DDAH2: variants seen among roughly 807,000 people sequenced by gnomAD.
DDAH2 encodes putative hydrolase DDAH2.
DDAH2 carries 8 observed loss-of-function variants against 24.8 expected under a neutral mutation model. The observed-to-expected ratio is 0.32, with a 90% CI of 0.19 to 0.58. The LOEUF (loss-of-function observed/expected upper bound fraction) is 0.58, where lower values mean the gene tolerates loss of function less well. Among genes scored for constraint, DDAH2 ranks in the 20% least tolerant of loss-of-function variants. DDAH2 has a pLI of 0.87. For synonymous variants in DDAH2, 151 were observed against 166.1 expected (o/e 0.91, Z 0.70); for missense variants, 281 against 379.0 (o/e 0.74, Z 2.15).
Position 31,729,248 on chromosome 6 carries a change from A to C in DDAH2, c.-87T>G. The C allele has an allele frequency of 8.4e-7, 1 of 1,184,104 alleles. No individual in the cohort carries two copies. Among genetic ancestry groups the C allele is most frequent in the East Asian group, 2.4e-5 (1 of 42,502 alleles). The allele number at this position is 1,184,104 out of a possible 1,614,324, so 73.3% of individuals were successfully genotyped here. ...TGTCTGGGAGAAGAAACAGAAAAGG[A>C]GGAGACAGAGAAAAAGACATGCAGA... On this transcript the variant is annotated 5_prime_UTR_variant, in exon 1 of 6. Transcript: ENST00000375789. The surrounding 1 kb of genome is among the most constrained non-coding windows in gnomAD (Gnocchi z 6.7).
Position 31,727,392 on chromosome 6 carries a change from G to A in DDAH2, c.742-39C>T. 1 of 1,597,194 alleles carries A rather than the reference G, an allele frequency of 6.3e-7. No individual in the cohort carries two copies. The highest frequency in any genetic ancestry group is 8.6e-7 in the Non-Finnish European group (1 of 1,167,326). The stretch of plus-strand genomic sequence containing the variant: ...ACATGGAGTGGGGAGAGGGGAGTGA[G>A]ACCTCAGGCTGAGCCAGGCCACTCT... On this transcript the variant is annotated intron_variant, in intron 5 of 5. Coordinates refer to ENST00000375789, the MANE Select transcript of DDAH2 (RefSeq NM_001303007.2). This position sits in a 1 kb window ranked among gnomAD's most constrained non-coding sequence, Gnocchi z 6.0.
chr6:31,727,936 C>T lies in DDAH2; in HGVS notation c.591+237G>A, dbSNP rs1471493082. Reference sequence around the variant, plus strand: ...AGCCCCTCCTATCTGTCCTACCCATCCTTAGAGTCACAGTTTAGGTGCCAC... The same window carrying T: ...AGCCCCTCCTATCTGTCCTACCCATTCTTAGAGTCACAGTTTAGGTGCCAC... On this transcript the variant is annotated intron_variant, in intron 4 of 5. Transcript: ENST00000375789. This position sits in a 1 kb window ranked among gnomAD's most constrained non-coding sequence, Gnocchi z 6.0. Among the ~76,000 whole-genome samples, 1 of 152,206 alleles carries T rather than the reference C, an allele frequency of 6.6e-6. No individual in the cohort carries two copies. Among genetic ancestry groups the T allele is most frequent in the East Asian group, 1.9e-4 (1 of 5,204 alleles).
At position 31,728,551 on chromosome 6, in the gene DDAH2, G is replaced by A; in HGVS notation, c.398-27C>T. The A allele has an allele frequency of 6.2e-7, 1 of 1,612,668 alleles. No homozygotes were observed. The highest frequency in any genetic ancestry group is 1.7e-5 in the Admixed American group (1 of 60,016). ...TGAGTCCGGGAGGCCGCGGAGGTTT[G>A]AGGGCGGGAGTGAGTTAGAAACAAG... On this transcript the variant is annotated intron_variant, in intron 2 of 5. Transcript: ENST00000375789. The surrounding 1 kb of genome is among the most constrained non-coding windows in gnomAD (Gnocchi z 9.8).
Position 31,729,125 on chromosome 6 carries a change from G to A in DDAH2, c.37C>T (p.His13Tyr). The A allele has an allele frequency of 1.2e-6, 2 of 1,612,272 alleles. No homozygotes were observed. The highest frequency in any genetic ancestry group is 1.7e-6 in the Non-Finnish European group (2 of 1,179,506). The change falls in exon 1 of 6, where the codon CAT (histidine) becomes TAT (tyrosine). Residue 13 changes from histidine (H) to tyrosine (Y), a missense_variant. Physicochemically the swap from His to Tyr is moderately conservative, Grantham distance 83. Transcript: ENST00000375789. This position sits in a 1 kb window ranked among gnomAD's most constrained non-coding sequence, Gnocchi z 6.7. ...TCTGGGACTCCCCGGATCAGGGCAT[G>A]GGAGCAGCGGCCCAGCCCCTCCCCC... Reference protein sequence around the residue: ...TPGEGLGRCSHALIRGVPESL... With the variant: ...TPGEGLGRCSYALIRGVPESL...
At position 31,728,292 on chromosome 6, in the gene DDAH2, C is replaced by T; in HGVS notation, c.472G>A (p.Asp158Asn). ...ACTGGCACAGTGGAGACGGCGAAGT[C>T]CTAGGGAGAGCGAAGGGAGGTATTC... ...GAEIVADTFRDFAVSTVPVSG... is the reference protein window; with the variant it reads ...GAEIVADTFRNFAVSTVPVSG... The change falls in exon 4 of 6, where the codon GAC (aspartate) becomes AAC (asparagine). Residue 158 changes from aspartate to asparagine, a missense_variant and splice_region_variant. Asp to Asn is a conservative substitution (Grantham distance 23, BLOSUM62 1). Transcript: ENST00000375789. This position sits in a 1 kb window ranked among gnomAD's most constrained non-coding sequence, Gnocchi z 9.8. 1 of 1,608,586 alleles carries T rather than the reference C, an allele frequency of 6.2e-7. No individual in the cohort carries two copies. The highest frequency in any genetic ancestry group is 8.5e-7 in the Non-Finnish European group (1 of 1,177,174).
Position 31,728,806 on chromosome 6 carries a change from G to A in DDAH2, c.297+59C>T. The A allele has an allele frequency of 6.2e-7, 1 of 1,611,030 alleles. No homozygotes were observed. ...CCCCCATCCTCAATTCTTCCCCAAA[G>A]CCCCGACATCCAGTTCCTTCTGCCT... On this transcript the variant is annotated intron_variant, in intron 1 of 5. Transcript: ENST00000375789. This position sits in a 1 kb window ranked among gnomAD's most constrained non-coding sequence, Gnocchi z 9.8.
At position 31,727,391 on chromosome 6, in the gene DDAH2, A is replaced by G; in HGVS notation, c.742-38T>C. On this transcript the variant is annotated intron_variant, in intron 5 of 5. Transcript: ENST00000375789. The surrounding 1 kb of genome is among the most constrained non-coding windows in gnomAD (Gnocchi z 6.0). ...GACATGGAGTGGGGAGAGGGGAGTG[A>G]GACCTCAGGCTGAGCCAGGCCACTC... 6.3e-7 allele frequency: 1 copy of G among 1,598,444 alleles called. No homozygotes were observed. The highest frequency in any genetic ancestry group is 8.6e-7 in the Non-Finnish European group (1 of 1,168,368).
At position 31,727,638 on chromosome 6, in the gene DDAH2, C is replaced by G; in HGVS notation, c.646G>C (p.Ala216Pro). 1 of 1,612,766 alleles carries G rather than the reference C, an allele frequency of 6.2e-7. No homozygotes were observed. The highest frequency in any genetic ancestry group is 8.5e-7 in the Non-Finnish European group (1 of 1,179,890). Residue 216 changes from alanine (A) to proline (P), a missense_variant, in exon 5 of 6, where the codon GCA becomes CCA. Coordinates refer to ENST00000375789, the MANE Select transcript of DDAH2 (RefSeq NM_001303007.2). This position sits in a 1 kb window ranked among gnomAD's most constrained non-coding sequence, Gnocchi z 6.0. ...CGAAGAAAGAGACAGTCAGCAGCTG[C>G]GTCATCTGGGAGGGTCAGGGAGGCA... ...PYASLTLPDD[A>P]AADCLFLRPG... is the part of the protein sequence containing the mutation.
upstream of DDAH2, chr6:31,729,376 G>C (rs548668512): frequency 1.7e-5 from 10 of 587,900 alleles, no homozygotes; most frequent in South Asian, 2.1e-4. This position sits in a 1 kb window ranked among gnomAD's most constrained non-coding sequence, Gnocchi z 6.7. Context: ...CGCTCCTGTC[G>C]ACCTCACTCT....
Position 31,727,392 on chromosome 6 carries a change from G to C in DDAH2, c.742-39C>G. Reference sequence around the variant, plus strand: ...ACATGGAGTGGGGAGAGGGGAGTGAGACCTCAGGCTGAGCCAGGCCACTCT... The same window carrying C: ...ACATGGAGTGGGGAGAGGGGAGTGACACCTCAGGCTGAGCCAGGCCACTCT... On this transcript the variant is annotated intron_variant, in intron 5 of 5. Coordinates refer to ENST00000375789, the MANE Select transcript of DDAH2 (RefSeq NM_001303007.2). This position sits in a 1 kb window ranked among gnomAD's most constrained non-coding sequence, Gnocchi z 6.0. The C allele has an allele frequency of 6.3e-7, 1 of 1,597,194 alleles. No individual in the cohort carries two copies. Among genetic ancestry groups the C allele is most frequent in the Non-Finnish European group, 8.6e-7 (1 of 1,167,326 alleles).
In DDAH2 at chr6:31,728,241, G is replaced by C; in HGVS notation, c.523C>G (p.Leu175Val). 1 of 1,612,704 alleles carries C rather than the reference G, an allele frequency of 6.2e-7. No individual in the cohort carries two copies. The highest frequency in any genetic ancestry group is 8.5e-7 in the Non-Finnish European group (1 of 1,179,878). ...GTGCGAGGTCCCCCCATGCCGCAGA[G>C]ACCGCGCAGGTGGGAGGGACCCGAG... Reference protein sequence around the residue: ...PVSGPSHLRGLCGMGGPRTVV... With the variant: ...PVSGPSHLRGVCGMGGPRTVV... Residue 175 changes from leucine to valine, a missense_variant, in exon 4 of 6, where the codon CTC becomes GTC. Transcript: ENST00000375789. This position sits in a 1 kb window ranked among gnomAD's most constrained non-coding sequence, Gnocchi z 9.8.
Position 31,728,539 on chromosome 6 carries a change from CCGCGGAGGTTTGAGGGCGGGAGTG to C in DDAH2, c.398-39_398-16del, listed in dbSNP as rs757220462. On this transcript the variant is annotated splice_polypyrimidine_tract_variant and intron_variant, in intron 2 of 5. Coordinates refer to ENST00000375789, the MANE Select transcript of DDAH2 (RefSeq NM_001303007.2). The surrounding 1 kb of genome is among the most constrained non-coding windows in gnomAD (Gnocchi z 9.8). ...AAACTCCCGGCCTGAGTCCGGGAGG[CCGCGGAGGTTTGAGGGCGGGAGTG>C]AGTTAGAAACAAGGCTCCAGACGGC... is the stretch of plus-strand genomic sequence containing the variant. The C allele has an allele frequency of 1.2e-6, 2 of 1,612,700 alleles. No homozygotes were observed. Among genetic ancestry groups the C allele is most frequent in the Admixed American group, 3.3e-5 (2 of 60,008 alleles).
Position 31,728,175 on chromosome 6 carries a change from G to C in DDAH2, c.589C>G (p.Arg197Gly), listed in dbSNP as rs1230808005. ...CGTTGGCCCCGCCCCCTCCTCACCC[G>C]GACAGCCTTTTGGGCAGCGTCGCTG... ...GSSDAAQKAV[R>G]AMAVLTDHPY... Residue 197 changes from arginine (R) to glycine (G), a missense_variant and splice_region_variant, in exon 4 of 6, where the codon CGG becomes GGG. Coordinates refer to ENST00000375789, the MANE Select transcript of DDAH2 (RefSeq NM_001303007.2). This position sits in a 1 kb window ranked among gnomAD's most constrained non-coding sequence, Gnocchi z 9.8. 3.7e-6 allele frequency: 6 copies of C among 1,611,376 alleles called. No homozygotes were observed. Among genetic ancestry groups the C allele is most frequent in the Non-Finnish European group, 5.1e-6 (6 of 1,179,846 alleles).
Position 31,727,243 on chromosome 6 carries a change from G to C in DDAH2, c.852C>G (p.His284Gln). ...GTACCCCAAGGCCAGGCCCTCAGCT[G>C]TGGGGGCGTGTGCTGAGCACCAAGC... ...SLCLVLSTRP[H>Q]S Residue 284 changes from histidine (H) to glutamine (Q), a missense_variant, in exon 6 of 6, where the codon CAC (histidine) becomes CAG (glutamine). His to Gln is a conservative substitution (Grantham distance 24). Transcript: ENST00000375789. This position sits in a 1 kb window ranked among gnomAD's most constrained non-coding sequence, Gnocchi z 6.0. The C allele has an allele frequency of 6.2e-7, 1 of 1,611,690 alleles. No individual in the cohort carries two copies. Among genetic ancestry groups the C allele is most frequent in the Non-Finnish European group, 8.5e-7 (1 of 1,178,748 alleles).
chr6:31,728,623 C>T lies in DDAH2; in HGVS notation c.397+23G>A, dbSNP rs1230135522. The stretch of plus-strand genomic sequence containing the variant: ...CAAACTCTACTTCCCTGTGCCAAGA[C>T]CTATGCCTCCCCCCAGCCTCACCGG... On this transcript the variant is annotated intron_variant, in intron 2 of 5. Coordinates refer to ENST00000375789, the MANE Select transcript of DDAH2 (RefSeq NM_001303007.2). The surrounding 1 kb of genome is among the most constrained non-coding windows in gnomAD (Gnocchi z 9.8). 6.2e-7 allele frequency: 1 copy of T among 1,612,576 alleles called. No individual in the cohort carries two copies. Among genetic ancestry groups the T allele is most frequent in the Non-Finnish European group, 8.5e-7 (1 of 1,179,700 alleles).
chr6:31,728,146 C>A lies in DDAH2; in HGVS notation c.591+27G>T. The A allele has an allele frequency of 6.2e-7, 1 of 1,608,572 alleles. No homozygotes were observed. The highest frequency in any genetic ancestry group is 8.5e-7 in the Non-Finnish European group (1 of 1,179,532). ...CCTCCCGGGCCCAGAACTGCGCCCA[C>A]TTTCGTTGGCCCCGCCCCCTCCTCA... On this transcript the variant is annotated intron_variant, in intron 4 of 5. Coordinates refer to ENST00000375789, the MANE Select transcript of DDAH2 (RefSeq NM_001303007.2). The surrounding 1 kb of genome is among the most constrained non-coding windows in gnomAD (Gnocchi z 9.8).
Position 31,728,050 on chromosome 6 carries a change from C to G in DDAH2, c.591+123G>C. On this transcript the variant is annotated intron_variant, in intron 4 of 5. Transcript: ENST00000375789. The surrounding 1 kb of genome is among the most constrained non-coding windows in gnomAD (Gnocchi z 9.8). ...GTAACTTCTTATTTTCTCCTGTGTT[C>G]TTTCATGTAAGATGGACAGCCCATT... 1.7e-6 allele frequency: 2 copies of G among 1,200,432 alleles called. No homozygotes were observed. The highest frequency in any genetic ancestry group is 3.0e-5 in the African/African-American group (2 of 65,742). 74.4% of individuals were successfully genotyped at this position (1,200,432 alleles called of 1,614,324 possible).
In DDAH2 at chr6:31,728,520, C is replaced by T; in HGVS notation, c.402G>A (p.Arg134=). The T allele has an allele frequency of 6.2e-7, 1 of 1,612,802 alleles. No homozygotes were observed. The highest frequency in any genetic ancestry group is 1.3e-5 in the African/African-American group (1 of 74,958). ...ATTTGGAGAGGCCTACGAAAAACTC[C>T]CGGCCTGAGTCCGGGAGGCCGCGGA... is the stretch of plus-strand genomic sequence containing the variant. ...LDGTDVLFTG[R]EFFVGLSKWT... The change falls in exon 3 of 6, where the codon CGG becomes CGA. Residue 134 remains arginine (R), a synonymous_variant. Transcript: ENST00000375789. This position sits in a 1 kb window ranked among gnomAD's most constrained non-coding sequence, Gnocchi z 9.8.
At position 31,729,221 on chromosome 6, in the gene DDAH2, C is replaced by A. The variant is rs1807660238; in HGVS notation, c.-60G>T. On this transcript the variant is annotated 5_prime_UTR_variant, in exon 1 of 6. Transcript: ENST00000375789. The surrounding 1 kb of genome is among the most constrained non-coding windows in gnomAD (Gnocchi z 6.7). ...ATTTCTTAGTTTTCTTGTTTCTTCACCTGTCTGGGAGAAGAAACAGAAAAG... is the reference window on the plus strand; with the variant it reads ...ATTTCTTAGTTTTCTTGTTTCTTCAACTGTCTGGGAGAAGAAACAGAAAAG... The A allele has an allele frequency of 7.5e-7, 1 of 1,333,708 alleles. No individual in the cohort carries two copies. The highest frequency in any genetic ancestry group is 1.0e-6 in the Non-Finnish European group (1 of 963,886). 82.6% of individuals were successfully genotyped at this position (1,333,708 alleles called of 1,614,324 possible).
Sources: gnomAD v4.1 joint callset for allele counts (sites outside exome capture counted in the v4.1 genomes callset) on GRCh38, gnomAD v4.1.1 for gene constraint, Gnocchi (gnomAD v3.1) non-coding constraint, MANE v1.5 for transcripts, NCBI Gene and HGNC (gene_info 2026-07-23, HGNC 2026-07-21) for gene names.